ATG5: variants seen among roughly 807,000 people sequenced by gnomAD.
ATG5 encodes autophagy protein 5.
A neutral mutation model predicts 36.5 loss-of-function variants in ATG5; 14 were observed. The ratio of observed to expected loss-of-function variants is 0.38; its 90% CI spans 0.25 to 0.60. ATG5 has a LOEUF of 0.60. ATG5 is among the 20% of genes least tolerant of loss of function. The pLI, the probability that ATG5 is intolerant of heterozygous loss-of-function variation, is 0.60. For missense variants in ATG5, 195 were observed against 326.7 expected (o/e 0.60, Z 3.11); for synonymous variants, 95 against 101.5 (o/e 0.94, Z 0.38).
intron 5 of ATG5, among the ~76,000 whole-genome samples, chr6:106,249,097 T>C (rs763928175): frequency 1.3e-5 from 2 of 152,194 alleles, no homozygotes; most frequent in Non-Finnish European, 2.9e-5. Flanking sequence ...TAAAAACTTT[T>C]CAATTTCAAA....
intron 6 of ATG5, among the ~76,000 whole-genome samples, chr6:106,231,180 TTAAATTAAAATAGACCTAGG>T (rs1252303909): frequency 1.3e-5 from 2 of 152,130 alleles, no homozygotes; most frequent in African/African-American, 4.8e-5. Context: ...CTCTCAGACT[TTAAATTAAAATAGACCTAGG>T]TAAATTCTCA....
intron 1 of ATG5, among the ~76,000 whole-genome samples, chr6:106,317,110 T>C (rs1318682508): frequency 6.6e-6 from 1 of 152,214 alleles, no homozygotes; most frequent in African/African-American, 2.4e-5. Context: ...TTGACCTCTG[T>C]AATATCCAAG....
chr6:106,206,671 C>A (rs1403312887), intron 6 of ATG5, among the ~76,000 whole-genome samples: 5 of 148,214 alleles, frequency 3.4e-5, no homozygotes, highest in African/African-American at 5.0e-5. Flanking sequence ...AAAAAGTACA[C>A]ACTCTAACAT....
intron 5 of ATG5, among the ~76,000 whole-genome samples, chr6:106,251,670 G>GGCGGAGAGAGGGAGAAGGGAGAGA (rs1778589065): frequency 6.8e-5 from 1 of 14,662 alleles, no homozygotes; most frequent in Admixed American, 5.9e-4. Flanking sequence ...GAAGGGAGGG[G>GGCGGAGAGAGGGAGAAGGGAGAGA]GAGGGGGAGA....
chr6:106,189,374 G>A (rs1217831004), intron 7 of ATG5, among the ~76,000 whole-genome samples: 4 of 152,112 alleles, frequency 2.6e-5, no homozygotes, highest in Non-Finnish European at 5.9e-5. Context: ...GGAGGTCAAG[G>A]TGGGAGGATC....
chr6:106,251,731 GAAAGAAAGAAAGA>G (rs1458323038), intron 5 of ATG5, among the ~76,000 whole-genome samples: 28 of 148,044 alleles, frequency 1.9e-4, no homozygotes, highest in East Asian at 8.0e-4. Context: ...AAGAGAAAGA[GAAAGAAAGAAAGA>G]AAAGAAAGAA....
At position 106,275,503 on chromosome 6, in the gene ATG5, A is replaced by G. The variant is rs568955431; in HGVS notation, c.478+4158T>C. On this transcript the variant is annotated intron_variant, in intron 5 of 7. Transcript: ENST00000369076. ...AACCAAACATAATAGCTACAAAAATAATTTATAACCAAAAACAAAATGGAA... is the reference window on the plus strand; with the variant it reads ...AACCAAACATAATAGCTACAAAAATGATTTATAACCAAAAACAAAATGGAA... Among the ~76,000 whole-genome samples, 3 of 152,352 alleles carry G rather than the reference A, an allele frequency of 2.0e-5. No homozygotes were observed. The East Asian group carries it at 5.8e-4, about 29-fold the overall frequency.
At chr6:106,194,509 T>G (rs561758692) in intron 7 of ATG5, among the ~76,000 whole-genome samples, 1 of 152,088 alleles carries the variant, frequency 6.6e-6, no homozygotes, top group African/African-American at 2.4e-5. Flanking sequence ...GAGAAAAAAA[T>G]GTGAATATAC....
intron 6 of ATG5, among the ~76,000 whole-genome samples, chr6:106,239,442 C>G (rs1159848481): frequency 1.3e-5 from 2 of 152,058 alleles, no homozygotes; most frequent in Non-Finnish European, 2.9e-5. Flanking sequence ...ATTTCCATCT[C>G]TAATCAGACA....
At chr6:106,315,547 T>C (rs940635800) in intron 2 of ATG5, among the ~76,000 whole-genome samples, 4 of 151,942 alleles carry the variant, frequency 2.6e-5, no homozygotes, top group Admixed American at 6.6e-5. Flanking sequence ...ATTTATAATA[T>C]ATATTAAATA....
chr6:106,324,828 A>T (rs1230009682), intron 1 of ATG5, among the ~76,000 whole-genome samples: 15 of 152,212 alleles, frequency 9.9e-5, no homozygotes. Context: ...TGGAAATCAC[A>T]AATAGTTCAG....
intron 1 of ATG5, among the ~76,000 whole-genome samples, chr6:106,324,737 G>A (rs1771225895): frequency 6.6e-6 from 1 of 152,128 alleles, no homozygotes; most frequent in African/African-American, 2.4e-5. Context: ...GCTTAAATCT[G>A]GTGTAAAATA....
chr6:106,197,022 G>T (rs1056969889), intron 7 of ATG5, among the ~76,000 whole-genome samples: 1 of 152,142 alleles, frequency 6.6e-6, no homozygotes, highest in Non-Finnish European at 1.5e-5. Flanking sequence ...TATAAACTTG[G>T]GACTAGCAAA....
chr6:106,251,738 A>G (rs1201135609), intron 5 of ATG5, among the ~76,000 whole-genome samples: 1 of 149,292 alleles, frequency 6.7e-6, no homozygotes, highest in Non-Finnish European at 1.5e-5. Flanking sequence ...AGAGAAAGAA[A>G]GAAAGAAAAG....
chr6:106,205,602 C>A (rs1323067076), intron 6 of ATG5, among the ~76,000 whole-genome samples: 4 of 152,032 alleles, frequency 2.6e-5, no homozygotes, highest in Non-Finnish European at 4.4e-5. Flanking sequence ...ACAGGAAAGG[C>A]CAACTAGTCT....
intron 5 of ATG5, among the ~76,000 whole-genome samples, chr6:106,253,764 TA>T (rs1466066952): frequency 3.9e-5 from 6 of 152,192 alleles, no homozygotes; most frequent in African/African-American, 1.4e-4. Context: ...CCATAAAACA[TA>T]ATGCTTTATG....
intron 6 of ATG5, among the ~76,000 whole-genome samples, chr6:106,206,518 T>C (rs2114374077): frequency 6.6e-6 from 1 of 152,050 alleles, no homozygotes; most frequent in South Asian, 2.1e-4. Flanking sequence ...GGCATAGTTG[T>C]GGGCGCCTGT....
intron 2 of ATG5, among the ~76,000 whole-genome samples, chr6:106,313,115 CT>C (rs1770714377): frequency 6.6e-6 from 1 of 152,164 alleles, no homozygotes; most frequent in South Asian, 2.1e-4. Flanking sequence ...ATACCACCAG[CT>C]TCCTGAGAAG....
intron 4 of ATG5, among the ~76,000 whole-genome samples, chr6:106,284,711 T>A (rs987567393): frequency 6.6e-6 from 1 of 151,160 alleles, no homozygotes; most frequent in Non-Finnish European, 1.5e-5. Context: ...GGTAACTCGT[T>A]GTGTGGGGTT....
Sources: allele counts gnomAD v4.1 joint callset (sites outside exome capture counted in the v4.1 genomes callset), GRCh38; gene constraint gnomAD v4.1.1; transcripts MANE v1.5; gene names NCBI Gene and HGNC (gene_info 2026-07-23, HGNC 2026-07-21).